Variants in FMN1 observed in about 807,000 individuals in gnomAD.
The protein encoded by FMN1 is formin-1.
In FMN1, 110 loss-of-function variants were observed where a neutral mutation model predicts 132.4. That is an observed-to-expected ratio of 0.83 (90% confidence interval 0.71 to 0.97). The LOEUF is 0.97. FMN1 is among the 50% of genes least tolerant of loss of function. FMN1 has a pLI of 0.00. For synonymous variants in FMN1, 722 were observed against 651.7 expected (o/e 1.11, Z -1.64); for missense variants, 1,792 against 1,705.3 (o/e 1.05, Z -0.90).
At chr15:33,093,974 T>A (rs1595456839) in intron 4 of FMN1, among the ~76,000 whole-genome samples, 1 of 152,202 alleles carries the variant, frequency 6.6e-6, no homozygotes, top group African/African-American at 2.4e-5. Flanking sequence ...CCATGAAGAT[T>A]GCAGTATTTC....
At chr15:33,093,263 G>A (rs988338686) in intron 4 of FMN1, among the ~76,000 whole-genome samples, 5 of 134,928 alleles carry the variant, frequency 3.7e-5, no homozygotes, top group Admixed American at 7.2e-5. Context: ...AGTGCCCAAG[G>A]CACTACATAA....
chr15:33,008,648 T>G (rs2034543791), intron 6 of FMN1, among the ~76,000 whole-genome samples: 1 of 152,198 alleles, frequency 6.6e-6, no homozygotes, highest in Non-Finnish European at 1.5e-5. Context: ...AAAATAAATT[T>G]CTGGTCCAAT....
intron 4 of FMN1, among the ~76,000 whole-genome samples, chr15:33,100,223 TAA>T (rs61200336): frequency 0.039 from 4,473 of 115,392 alleles, 209 homozygotes; most frequent in African/African-American, 0.11. Context: ...ACTTTCACAG[TAA>T]AAAAAAAAAA....
At chr15:33,092,748 C>A (rs147723922) in intron 4 of FMN1, among the ~76,000 whole-genome samples, 1 of 152,180 alleles carries the variant, frequency 6.6e-6, no homozygotes, top group African/African-American at 2.4e-5. Context: ...ATAGTTGCCT[C>A]ATACACTATC....
intron 19 of FMN1, among the ~76,000 whole-genome samples, chr15:32,780,660 T>C (rs1056872912): frequency 6.6e-6 from 1 of 152,120 alleles, no homozygotes. Context: ...AAGAACCCTC[T>C]TTTGGGGTCT....
intron 7 of FMN1, among the ~76,000 whole-genome samples, chr15:32,992,296 T>A (rs1159569652): frequency 6.6e-6 from 1 of 152,220 alleles, no homozygotes; most frequent in Non-Finnish European, 1.5e-5. Flanking sequence ...GGAATCAATG[T>A]TAGTTTTGCA....
At chr15:33,033,940 C>T (rs538091678) in intron 6 of FMN1, among the ~76,000 whole-genome samples, 1 of 152,096 alleles carries the variant, frequency 6.6e-6, no homozygotes, top group Non-Finnish European at 1.5e-5. Context: ...CTTAGTTCTC[C>T]TCCTGCCTCA....
At position 33,162,904 on chromosome 15, in the gene FMN1, GTCAGGAGATTGAGACCAGCC is replaced by G. The variant is rs538424798; in HGVS notation, c.-131-7879_-131-7860del. On this transcript the variant is annotated intron_variant, in intron 3 of 20. Transcript: ENST00000616417. ...GGCCAAGGCAGGCAGATCACCTGAG[GTCAGGAGATTGAGACCAGCC>G]TGGTCAACATAGTGAAACCCCATCC... is the stretch of plus-strand genomic sequence containing the variant. Among the ~76,000 whole-genome samples, 700 of 152,306 alleles carry G rather than the reference GTCAGGAGATTGAGACCAGCC, an allele frequency of 4.6e-3. 5 individuals are homozygous for G. Among genetic ancestry groups the G allele is most frequent in the Non-Finnish European group, 7.1e-3 (486 of 68,026 alleles).
intron 3 of FMN1, among the ~76,000 whole-genome samples, chr15:33,171,295 C>T (rs920119551): frequency 5.3e-5 from 8 of 151,842 alleles, no homozygotes; most frequent in South Asian, 2.1e-4. Flanking sequence ...TTCTGATGGG[C>T]GACAGTAGAG....
intron 16 of FMN1, among the ~76,000 whole-genome samples, chr15:32,865,855 A>AAAT (rs374621741): frequency 4.4e-4 from 8 of 18,382 alleles, no homozygotes; most frequent in Admixed American, 1.5e-3. Flanking sequence ...AAAAAAAAAT[A>AAAT]AAATAAAATA....
Position 32,795,089 on chromosome 15 carries a change from A to T in FMN1, c.4130+3715T>A, listed in dbSNP as rs373008684. Among the ~76,000 whole-genome samples the T allele has an allele frequency of 7.3e-4, 111 of 152,222 alleles. 2 individuals are homozygous for T. In the South Asian group the frequency reaches 0.015, roughly 20 times the overall value. ...GTGATGCACACCTGTAGTCCCAGCT[A>T]CTCAGTAGGCTAAGGCAGGAGGATT... On this transcript the variant is annotated intron_variant, in intron 19 of 20. Coordinates refer to ENST00000616417, the MANE Select transcript of FMN1 (RefSeq NM_001277313.2).
chr15:32,869,471 G>A (rs575880987), intron 16 of FMN1, among the ~76,000 whole-genome samples: 74 of 152,286 alleles, frequency 4.9e-4, no homozygotes, highest in Non-Finnish European at 9.7e-4. Flanking sequence ...GAAAATCAAA[G>A]GTGTTATTTA....
At chr15:33,084,371 G>A (rs1595436649) in intron 5 of FMN1, among the ~76,000 whole-genome samples, 1 of 152,140 alleles carries the variant, frequency 6.6e-6, no homozygotes, top group African/African-American at 2.4e-5. Context: ...GGGGTCATAG[G>A]AACCTATTTG....
Position 33,193,225 on chromosome 15 carries a change from G to A in FMN1, c.-197+684C>T, listed in dbSNP as rs145940676. Among the ~76,000 whole-genome samples, 60 of 152,164 alleles carry A rather than the reference G, an allele frequency of 3.9e-4. No homozygotes were observed. In the East Asian group the frequency reaches 5.2e-3, roughly 13 times the overall value. ...TTGTGGAAGCAACATCTTCCACAAC[G>A]ACAGTTAATCTGGTATGCAATTCTC... On this transcript the variant is annotated intron_variant, in intron 2 of 20. Coordinates refer to ENST00000616417, the MANE Select transcript of FMN1 (RefSeq NM_001277313.2).
intron 6 of FMN1, chr15:33,063,556 A>C (rs138160230): frequency 1.3e-5 from 2 of 152,104 alleles, no homozygotes; most frequent in East Asian, 1.9e-4. Context: ...ACTCTCCTCA[A>C]ATCACTCCAT....
At position 32,931,633 on chromosome 15, in the gene FMN1, T is replaced by G. The variant is rs1221626678; in HGVS notation, c.3139-5372A>C. On this transcript the variant is annotated intron_variant, in intron 9 of 20. Coordinates refer to ENST00000616417, the MANE Select transcript of FMN1 (RefSeq NM_001277313.2). ...TCCTTAGGGTTTTCTACATATAAGA[T>G]CATATCTGTGAACACAGATAATCTT... Among the ~76,000 whole-genome samples, 4 of 152,192 alleles carry G rather than the reference T, an allele frequency of 2.6e-5. No individual in the cohort carries two copies. The South Asian group carries it at 6.2e-4, about 24-fold the overall frequency.
At chr15:33,128,289 T>TC (rs1306721630) in intron 4 of FMN1, among the ~76,000 whole-genome samples, 1 of 152,152 alleles carries the variant, frequency 6.6e-6, no homozygotes, top group Non-Finnish European at 1.5e-5. Flanking sequence ...AGTTGGGAAT[T>TC]TGAACATGGC....
intron 3 of FMN1, among the ~76,000 whole-genome samples, chr15:33,173,166 T>A (rs796707996): frequency 5.9e-5 from 9 of 152,136 alleles, no homozygotes; most frequent in African/African-American, 2.2e-4. Flanking sequence ...CCTTTATAGG[T>A]TTATTACACA....
intron 17 of FMN1, among the ~76,000 whole-genome samples, chr15:32,820,081 C>T (rs896914760): frequency 6.6e-6 from 1 of 152,102 alleles, no homozygotes; most frequent in African/African-American, 2.4e-5. Context: ...TAAACGCAGA[C>T]GACTTCCAAC....
Sources: allele counts gnomAD v4.1 joint callset (sites outside exome capture counted in the v4.1 genomes callset), GRCh38; gene constraint gnomAD v4.1.1; transcripts MANE v1.5; gene names NCBI Gene and HGNC (gene_info 2026-07-23, HGNC 2026-07-21).